The following PRKN variants were observed in gnomAD, a reference collection of about 807,000 sequenced individuals.
PRKN encodes parkin RBR E3 ubiquitin protein ligase.
In PRKN, 56 loss-of-function variants were observed where a neutral mutation model predicts 59.5. That is an observed-to-expected ratio of 0.94 (90% CI 0.76 to 1.18). The LOEUF is 1.18. Among genes scored for constraint, PRKN ranks in the 50% most tolerant of loss-of-function variants. The probability of loss-of-function intolerance (pLI) is 0.00; values close to 1 mark genes in which losing one functional copy is unlikely to be tolerated. For missense variants in PRKN, 657 were observed against 596.4 expected, an observed-to-expected ratio of 1.10 and a Z score of -1.06; for synonymous variants, 250 against 222.1, an observed-to-expected ratio of 1.13 and a Z score of -1.12.
intron 1 of PRKN, among the ~76,000 whole-genome samples, chr6:162,543,790 A>G (rs752220901): frequency 6.6e-5 from 10 of 152,090 alleles, no homozygotes; most frequent in Non-Finnish European, 1.5e-4. Flanking sequence ...AGGCCAATAG[A>G]TAGCCTCAAT....
intron 4 of PRKN, among the ~76,000 whole-genome samples, chr6:162,092,227 C>T (rs958081028): frequency 1.3e-4 from 20 of 151,794 alleles, no homozygotes; most frequent in South Asian, 6.3e-4. Context: ...TGTTGGCGAG[C>T]GCCTATAGTC....
chr6:161,757,646 T>A (rs2128197032), intron 7 of PRKN, among the ~76,000 whole-genome samples: 1 of 152,086 alleles, frequency 6.6e-6, no homozygotes, highest in Admixed American at 6.5e-5. Context: ...AAGACCAGCC[T>A]GACCAACATG....
At position 162,457,794 on chromosome 6, in the gene PRKN, A is replaced by C. The variant is rs114403479; in HGVS notation, c.8-14321T>G. Reference sequence around the variant, plus strand: ...CTCATTTTTATATAGACAATTTTCAAACAATTTTATATTTCTCAGTTGCTT... The same window carrying C: ...CTCATTTTTATATAGACAATTTTCACACAATTTTATATTTCTCAGTTGCTT... On this transcript the variant is annotated intron_variant, in intron 1 of 11. Coordinates refer to ENST00000366898, the MANE Select transcript of PRKN (RefSeq NM_004562.3). 9.7e-3 allele frequency among the ~76,000 whole-genome samples: 1,470 copies of C among 152,228 alleles called. 32 individuals carry two copies. The highest frequency in any genetic ancestry group is 0.034 in the African/African-American group (1,419 of 41,522).
chr6:162,300,487 C>T (rs1199260823), intron 2 of PRKN, among the ~76,000 whole-genome samples: 1 of 152,058 alleles, frequency 6.6e-6, no homozygotes, highest in Non-Finnish European at 1.5e-5. Flanking sequence ...GAATGTTATG[C>T]AGCTCTCTGC....
At chr6:162,618,728 A>G (rs1033516205) in intron 1 of PRKN, among the ~76,000 whole-genome samples, 1 of 152,210 alleles carries the variant, frequency 6.6e-6, no homozygotes, top group Admixed American at 6.5e-5. Flanking sequence ...GTCCTAACAG[A>G]TGGGCTTTAC....
chr6:162,282,992 CTCTT>C (rs1562638928), intron 2 of PRKN, among the ~76,000 whole-genome samples: 1 of 150,712 alleles, frequency 6.6e-6, no homozygotes, highest in Admixed American at 6.6e-5. Flanking sequence ...CTTTCTCTCT[CTCTT>C]TTTTTTTTTT....
intron 2 of PRKN, among the ~76,000 whole-genome samples, chr6:162,295,805 G>A (rs577524084): frequency 6.6e-6 from 1 of 152,238 alleles, no homozygotes; most frequent in Non-Finnish European, 1.5e-5. Context: ...TTCTGCATAG[G>A]TGGCTGCCAC....
intron 5 of PRKN, among the ~76,000 whole-genome samples, chr6:161,984,109 T>C (rs1031218318): frequency 1.6e-4 from 24 of 151,980 alleles, no homozygotes; most frequent in Non-Finnish European, 2.9e-5. Context: ...AACAGGCTCA[T>C]ACATGTGACC....
chr6:162,724,914 C>A (rs1779069691), intron 1 of PRKN, among the ~76,000 whole-genome samples: 1 of 152,188 alleles, frequency 6.6e-6, no homozygotes, highest in African/African-American at 2.4e-5. Flanking sequence ...ATAGGATAAG[C>A]CTGTGCCCAG....
chr6:161,789,391 G>A (rs1583167470), intron 6 of PRKN, among the ~76,000 whole-genome samples: 1 of 151,994 alleles, frequency 6.6e-6, no homozygotes, highest in South Asian at 2.1e-4. Context: ...TGTTCTCTCC[G>A]CACCTCCGTC....
chr6:162,618,328 G>C (rs964003209), intron 1 of PRKN, among the ~76,000 whole-genome samples: 1 of 152,098 alleles, frequency 6.6e-6, no homozygotes. Context: ...GTATGACTTA[G>C]AAATAAACAA....
intron 7 of PRKN, among the ~76,000 whole-genome samples, chr6:161,649,929 C>T (rs1784089314): frequency 6.6e-6 from 1 of 152,178 alleles, no homozygotes; most frequent in Non-Finnish European, 1.5e-5. Context: ...GTTTCCTTGA[C>T]AGGACCCAAC....
Position 161,400,510 on chromosome 6 carries a change from C to T in PRKN, c.1084-13633G>A, listed in dbSNP as rs530942044. Among the ~76,000 whole-genome samples, 18 of 152,060 alleles carry T rather than the reference C, an allele frequency of 1.2e-4. No homozygotes were observed. In the East Asian group the frequency reaches 2.7e-3, roughly 23 times the overall value. ...TTTAGTAGAGACGGGGTTTCGCTTT[C>T]GCCATATTGGCCAGGCTGGTCTCAA... On this transcript the variant is annotated intron_variant, in intron 9 of 11. Transcript: ENST00000366898. The surrounding 1 kb of genome is among the most constrained non-coding windows in gnomAD (Gnocchi z 4.2).
chr6:162,677,468 A>G (rs1384750397), intron 1 of PRKN, among the ~76,000 whole-genome samples: 2 of 6,346 alleles, frequency 3.2e-4, no homozygotes, highest in Non-Finnish European at 2.7e-4. Context: ...ACTGTGGAGA[A>G]AAAAAAAAAA....
chr6:162,194,074 G>C (rs1784396149), intron 4 of PRKN, among the ~76,000 whole-genome samples: 1 of 152,140 alleles, frequency 6.6e-6, no homozygotes, highest in Admixed American at 6.6e-5. Context: ...AACTAAAATA[G>C]AGATTAGAAA....
intron 7 of PRKN, among the ~76,000 whole-genome samples, chr6:161,743,805 A>G (rs537211889): frequency 6.6e-6 from 1 of 152,324 alleles, no homozygotes; most frequent in African/African-American, 2.4e-5. Flanking sequence ...TATTGTATAC[A>G]TTCTGGGCAC....
At chr6:161,507,673 GA>G (rs1778225271) in intron 9 of PRKN, among the ~76,000 whole-genome samples, 1 of 151,792 alleles carries the variant, frequency 6.6e-6, no homozygotes, top group Non-Finnish European at 1.5e-5. Context: ...TCTATATCTT[GA>G]CTCTTCTCTC....
chr6:162,043,993 A>G (rs1043537790), intron 5 of PRKN, among the ~76,000 whole-genome samples: 1 of 152,206 alleles, frequency 6.6e-6, no homozygotes, highest in African/African-American at 2.4e-5. Context: ...ACTTCTACCC[A>G]GTTCTAAACG....
intron 6 of PRKN, among the ~76,000 whole-genome samples, chr6:161,842,466 T>TAAAAAA (rs61182650): frequency 0.011 from 1,459 of 135,684 alleles, 27 homozygotes; most frequent in East Asian, 0.065. Flanking sequence ...AATGAGACTC[T>TAAAAAA]AAAAAAAAAA....
Sources: gnomAD v4.1 joint callset for allele counts (sites outside exome capture counted in the v4.1 genomes callset) on GRCh38, gnomAD v4.1.1 for gene constraint, Gnocchi (gnomAD v3.1) non-coding constraint, MANE v1.5 for transcripts, NCBI Gene and HGNC (gene_info 2026-07-23, HGNC 2026-07-21) for gene names.